Variants in RPS27 observed in about 807,000 individuals in gnomAD.
RPS27 encodes the protein small ribosomal subunit protein eS27.
In RPS27, 1 loss-of-function variant was observed where a neutral mutation model predicts 11.8. That is an observed-to-expected ratio of 0.08 (90% CI 0.03 to 0.40). The LOEUF (loss-of-function observed/expected upper bound fraction) is 0.40, where lower values mean the gene tolerates loss of function less well. RPS27 is among the 10% of genes least tolerant of loss of function. The probability of loss-of-function intolerance (pLI) is 0.98; values close to 1 mark genes in which losing one functional copy is unlikely to be tolerated. For synonymous variants in RPS27, 42 were observed against 33.8 expected (o/e 1.24, Z -0.84); for missense variants, 44 against 100.1 (o/e 0.44, Z 2.39).
Position 153,990,767 on chromosome 1 carries a change from C to G in RPS27, c.-30C>G. The stretch of plus-strand genomic sequence containing the variant: ...GCAGGATTTCCGCTTTCGCTCCTTT[C>G]CGGCGGTGACGACCTACGCACACGA... On this transcript the variant is annotated 5_prime_UTR_variant, in exon 1 of 4. Coordinates refer to ENST00000651669, the MANE Select transcript of RPS27 (RefSeq NM_001030.6). 3 of 1,614,190 alleles carry G rather than the reference C, an allele frequency of 1.9e-6. No homozygotes were observed. The highest frequency in any genetic ancestry group is 2.5e-6 in the Non-Finnish European group (3 of 1,180,024).
chr1:153,992,101 C>G lies in RPS27; in HGVS notation c.*8C>G. 1 of 1,609,110 alleles carries G rather than the reference C, an allele frequency of 6.2e-7. No homozygotes were observed. The highest frequency in any genetic ancestry group is 8.5e-7 in the Non-Finnish European group (1 of 1,177,064). On this transcript the variant is annotated 3_prime_UTR_variant, in exon 4 of 4. Transcript: ENST00000651669. ...AGGAGGAAGCAGCACTAAAAGCACTCTGAGTCAAGATGAGTGGGAAACCAT... is the reference window on the plus strand; with the variant it reads ...AGGAGGAAGCAGCACTAAAAGCACTGTGAGTCAAGATGAGTGGGAAACCAT...
At position 153,990,774 on chromosome 1, in the gene RPS27, T is replaced by C. The variant is rs758283123; in HGVS notation, c.-23T>C. 1.4e-5 allele frequency: 23 copies of C among 1,614,204 alleles called. No homozygotes were observed. Among genetic ancestry groups the C allele is most frequent in the Non-Finnish European group, 1.9e-5 (22 of 1,180,022 alleles). ...TTCCGCTTTCGCTCCTTTCCGGCGGTGACGACCTACGCACACGAGAACATG... is the reference window on the plus strand; with the variant it reads ...TTCCGCTTTCGCTCCTTTCCGGCGGCGACGACCTACGCACACGAGAACATG... On this transcript the variant is annotated 5_prime_UTR_variant, in exon 1 of 4. Coordinates refer to ENST00000651669, the MANE Select transcript of RPS27 (RefSeq NM_001030.6).
At position 153,991,558 on chromosome 1, in the gene RPS27, T is replaced by A. The variant is rs371349094; in HGVS notation, c.116-8T>A. 10 of 1,606,328 alleles carry A rather than the reference T, an allele frequency of 6.2e-6. No homozygotes were observed. In the African/African-American group the frequency reaches 1.2e-4, roughly 19 times the overall value. ...AGAGGAAAAAAATGTTATCTGCTTT[T>A]CTTTCAGGATGCTATAAAATCACCA... On this transcript the variant is annotated splice_polypyrimidine_tract_variant and splice_region_variant and intron_variant, in intron 2 of 3. Transcript: ENST00000651669.
chr1:153,991,729 G>A, intron 3 of RPS27, 53 bp downstream of exon 3: 3 of 1,184,486 alleles, frequency 2.5e-6, no homozygotes, highest in Non-Finnish European at 3.7e-6. Flanking sequence ...TTTAGAAATG[G>A]AAACATTTCT....
At position 153,992,139 on chromosome 1, in the gene RPS27, AT is replaced by A. The variant is rs1649445275; in HGVS notation, c.*50del. 1 of 1,523,514 alleles carries A rather than the reference AT, an allele frequency of 6.6e-7. No individual in the cohort carries two copies. The highest frequency in any genetic ancestry group is 2.2e-5 in the East Asian group (1 of 44,472). The allele number at this position is 1,523,514 out of a possible 1,614,324, so 94.4% of individuals were successfully genotyped here. ...AGTGGGAAACCATCTCAATAAACACATTTTGGATAAATCCTGTTTATTGTCT... is the reference window on the plus strand; with the variant it reads ...AGTGGGAAACCATCTCAATAAACACATTTGGATAAATCCTGTTTATTGTCT... On this transcript the variant is annotated 3_prime_UTR_variant, in exon 4 of 4. Transcript: ENST00000651669.
At chr1:153,990,939 G>C (rs1281284817) in intron 1 of RPS27, 137 bp downstream of exon 1, 1 of 1,341,234 alleles carries the variant, frequency 7.5e-7, no homozygotes, top group African/African-American at 1.4e-5. Context: ...GACCGCAGCG[G>C]CCCACGGGCC....
Position 153,992,053 on chromosome 1 carries a change from T to G in RPS27, c.227-12T>G, listed in dbSNP as rs761092360. 1 of 1,612,894 alleles carries G rather than the reference T, an allele frequency of 6.2e-7. No homozygotes were observed. Among genetic ancestry groups the G allele is most frequent in the South Asian group, 1.1e-5 (1 of 91,038 alleles). The stretch of plus-strand genomic sequence containing the variant: ...ACTGATGACAGCTAATCTCTGAATC[T>G]TTTTCCTCCAGGATGTTCCTTCAGG... On this transcript the variant is annotated splice_polypyrimidine_tract_variant and intron_variant, in intron 3 of 3. Coordinates refer to ENST00000651669, the MANE Select transcript of RPS27 (RefSeq NM_001030.6).
At chr1:153,991,022 C>A (rs888088814) in intron 1 of RPS27, 93 bp from the exon 2 acceptor site, 3 of 1,175,780 alleles carry the variant, frequency 2.6e-6, no homozygotes, top group African/African-American at 3.1e-5. Flanking sequence ...CGGCGAGGGG[C>A]GAGCTCTCCC....
chr1:153,992,023 C>T (rs369917516), intron 3 of RPS27, 42 bp from the exon 4 acceptor site: 30 of 1,596,536 alleles, frequency 1.9e-5, no homozygotes, highest in East Asian at 1.3e-4. Flanking sequence ...GGGCAGAATA[C>T]CTGTACTGAT....
chr1:153,991,972 C>T (rs1649436430), intron 3 of RPS27, 93 bp from the exon 4 acceptor site: 1 of 1,134,138 alleles, frequency 8.8e-7, no homozygotes, highest in African/African-American at 1.5e-5. Flanking sequence ...ATGTAGCTTT[C>T]TGTGGGTGGA....
chr1:153,991,404 T>G, intron 2 of RPS27, 162 bp from the exon 3 acceptor site: 1 of 1,448,646 alleles, frequency 6.9e-7, no homozygotes, highest in Non-Finnish European at 9.3e-7. Context: ...GTTTTGCATC[T>G]TAGGAGGAGT....
chr1:153,991,370 A>T, intron 2 of RPS27, 147 bp downstream of exon 2: 2 of 1,508,614 alleles, frequency 1.3e-6, no homozygotes, highest in Non-Finnish European at 8.9e-7. Context: ...TACTCTTAAA[A>T]TTTGAATGTA....
chr1:153,991,014 G>A, intron 1 of RPS27, 101 bp from the exon 2 acceptor site: 1 of 1,157,592 alleles, frequency 8.6e-7, no homozygotes, highest in Admixed American at 2.3e-5. Flanking sequence ...ACCAGGGGCG[G>A]CGAGGGGCGA....
In RPS27 at chr1:153,992,101, C is replaced by CT. The variant is rs761618260; in HGVS notation, c.*9dup. ...AGGAGGAAGCAGCACTAAAAGCACT[C>CT]TGAGTCAAGATGAGTGGGAAACCAT... is the stretch of plus-strand genomic sequence containing the variant. On this transcript the variant is annotated 3_prime_UTR_variant, in exon 4 of 4. Transcript: ENST00000651669. 15 of 1,609,112 alleles carry CT rather than the reference C, an allele frequency of 9.3e-6. No homozygotes were observed. The highest frequency in any genetic ancestry group is 1.7e-4 in the Middle Eastern group (1 of 6,046).
intron 3 of RPS27, 146 bp downstream of exon 3, chr1:153,991,822 A>G: frequency 1.5e-6 from 1 of 668,744 alleles, no homozygotes; most frequent in Non-Finnish European, 2.6e-6. Context: ...GGTTGTTTTA[A>G]CTAGATACTA....
At chr1:153,990,853 C>G (rs375684218) in intron 1 of RPS27, 51 bp downstream of exon 1, 22 of 1,612,004 alleles carry the variant, frequency 1.4e-5, no homozygotes, top group Non-Finnish European at 1.7e-5. Flanking sequence ...TCTGTCCGAA[C>G]TCTCCCCTCA....
In RPS27 at chr1:153,990,781, C is replaced by T. The variant is rs747778374; in HGVS notation, c.-16C>T. ...TTCGCTCCTTTCCGGCGGTGACGAC[C>T]TACGCACACGAGAACATGCCTGTGA... On this transcript the variant is annotated 5_prime_UTR_variant, in exon 1 of 4. Coordinates refer to ENST00000651669, the MANE Select transcript of RPS27 (RefSeq NM_001030.6). 2.5e-5 allele frequency: 41 copies of T among 1,614,104 alleles called. No individual in the cohort carries two copies. The Admixed American group carries it at 4.5e-4, about 18-fold the overall frequency.
chr1:153,992,126 T>C lies in RPS27; in HGVS notation c.*33T>C, dbSNP rs911085570. The C allele has an allele frequency of 1.9e-6, 3 of 1,572,460 alleles. No individual in the cohort carries two copies. The highest frequency in any genetic ancestry group is 2.6e-6 in the Non-Finnish European group (3 of 1,147,096). On this transcript the variant is annotated 3_prime_UTR_variant, in exon 4 of 4. Transcript: ENST00000651669. ...CTGAGTCAAGATGAGTGGGAAACCA[T>C]CTCAATAAACACATTTTGGATAAAT...
chr1:153,991,447 C>T (rs919448843), intron 2 of RPS27, 119 bp from the exon 3 acceptor site: 12 of 1,353,942 alleles, frequency 8.9e-6, no homozygotes, highest in Non-Finnish European at 1.2e-5. Flanking sequence ...CATCACATTT[C>T]ACATACAACC....
Sources: gnomAD v4.1 joint callset for allele counts on GRCh38, gnomAD v4.1.1 for gene constraint, MANE v1.5 for transcripts, NCBI Gene and HGNC (gene_info 2026-07-23, HGNC 2026-07-21) for gene names.